FLG: variants seen among roughly 807,000 people sequenced by gnomAD.
The protein encoded by FLG is epidermal filaggrin.
Under a neutral mutation model 3.8 loss-of-function variants are expected in FLG, and 6 were observed. The observed-to-expected ratio is 1.60, with a 90% confidence interval of 0.87 to 3.15. The LOEUF is 3.15. Among genes scored for constraint, FLG ranks in the 30% most tolerant of loss-of-function variants. The pLI is 0.00. For synonymous variants in FLG, 2,551 were observed against 1,931.6 expected, an observed-to-expected ratio of 1.32 and a Z score of -8.41; for missense variants, 7,595 against 5,050.9, an observed-to-expected ratio of 1.50 and a Z score of -15.27.
Position 152,312,477 on chromosome 1 carries a change from A to G in FLG, c.2409T>C (p.Ser803=). Residue 803 remains serine (S), a synonymous_variant, in exon 3 of 3, where the codon TCT becomes TCC. Transcript: ENST00000368799. ...FLYQVSTHKQ[S]ESSHGWTGPS... is the part of the protein sequence containing the mutation. ...GCCCTGTCCATCCATGGGAGGACTC[A>G]GACTGTTTATGAGTGCTCACCTGGT... The G allele has an allele frequency of 6.2e-7, 1 of 1,613,512 alleles. No individual in the cohort carries two copies. The highest frequency in any genetic ancestry group is 8.5e-7 in the Non-Finnish European group (1 of 1,179,878).
In FLG at chr1:152,309,757, C is replaced by G; in HGVS notation, c.5129G>C (p.Gly1710Ala). The G allele has an allele frequency of 3.1e-6, 5 of 1,613,982 alleles. No individual in the cohort carries two copies. The highest frequency in any genetic ancestry group is 1.7e-6 in the Non-Finnish European group (2 of 1,179,998). ...RQDSSVVGDS[G>A]NRGSSGSQAS... Reference sequence around the variant, plus strand: ...CTGGCTACCACTGGACCCTCGGTTTCCACTGTCTCCGACTACAGATGAATC... The same window carrying G: ...CTGGCTACCACTGGACCCTCGGTTTGCACTGTCTCCGACTACAGATGAATC... The change falls in exon 3 of 3, where the codon GGA becomes GCA. Residue 1710 changes from glycine to alanine, a missense_variant. Gly to Ala is a moderately conservative substitution (Grantham distance 60). Transcript: ENST00000368799.
rs121909626 is a variant in FLG, at chr1:152,307,225, G to T, written c.7661C>A (p.Ser2554Ter). ...SGHSQVGQGQ[S>*]EGPRTSRNWG... Reference sequence around the variant, plus strand: ...GTTCCTGCTTGTCCTGGGCCCCTCTGATTGTCCCTGGCCCACCTGCGAGTG... The same window carrying T: ...GTTCCTGCTTGTCCTGGGCCCCTCTTATTGTCCCTGGCCCACCTGCGAGTG... Residue 2554 changes from serine (S) to a stop codon, truncating the protein, a stop_gained, in exon 3 of 3, where the codon TCA becomes TAA. Coordinates refer to ENST00000368799, the MANE Select transcript of FLG (RefSeq NM_002016.2). LOFTEE classifies it low-confidence loss of function (END_TRUNC). 6.2e-7 allele frequency: 1 copy of T among 1,612,704 alleles called. No individual in the cohort carries two copies. The highest frequency in any genetic ancestry group is 8.5e-7 in the Non-Finnish European group (1 of 1,179,994).
Position 152,313,802 on chromosome 1 carries a change from C to T in FLG, c.1084G>A (p.Glu362Lys), listed in dbSNP as rs771368026. The change falls in exon 3 of 3, where the codon GAG becomes AAG. Residue 362 changes from glutamate to lysine, a missense_variant. Glu to Lys is a moderately conservative substitution (Grantham distance 56). Transcript: ENST00000368799. ...GCAGTCTGTCCACGAGAGGAAGTCT[C>T]TGCGTGACGAGTGCCTGATTGTCTG... ...SSRQSGTRHA[E>K]TSSRGQTASS... 6.2e-7 allele frequency: 1 copy of T among 1,614,044 alleles called. No homozygotes were observed.
Position 152,305,408 on chromosome 1 carries a change from T to A in FLG, c.9478A>T (p.Ser3160Cys), listed in dbSNP as rs145597576. The change falls in exon 3 of 3, where the codon AGT becomes TGT. Residue 3160 changes from serine (S) to cysteine (C), a missense_variant. Physicochemically the swap from Ser to Cys is moderately radical, Grantham distance 112. Transcript: ENST00000368799. ...TCATTACGTGTTGTTCTGCTTGCAC[T>A]TCTGGATCCTGACTGCCCACGGGAG... ...DASRGQSGSRSASRTTRNEEQ... is the reference protein window; with the variant it reads ...DASRGQSGSRCASRTTRNEEQ... 180 of 1,603,966 alleles carry A rather than the reference T, an allele frequency of 1.1e-4. 1 individual carries two copies. Among genetic ancestry groups the A allele is most frequent in the Non-Finnish European group, 1.3e-4 (152 of 1,178,516 alleles).
Position 152,304,781 on chromosome 1 carries a change from G to T in FLG, c.10105C>A (p.Gln3369Lys), listed in dbSNP as rs199702001. ...GQAGPHQQSH[Q>K]ESARDRSGGR... ...CCTGACCGGTCACGTGCGGACTCTTGGTGGCTCTGCTGATGGGGCCCAGCC... is the reference window on the plus strand; with the variant it reads ...CCTGACCGGTCACGTGCGGACTCTTTGTGGCTCTGCTGATGGGGCCCAGCC... The change falls in exon 3 of 3, where the codon CAA (glutamine) becomes AAA (lysine). Residue 3369 changes from glutamine to lysine, a missense_variant. Transcript: ENST00000368799. 1.2e-5 allele frequency: 20 copies of T among 1,613,712 alleles called. No individual in the cohort carries two copies. Among genetic ancestry groups the T allele is most frequent in the African/African-American group, 5.3e-5 (4 of 74,834 alleles).
intron 1 of FLG, among the ~76,000 whole-genome samples, chr1:152,319,326 G>T (rs945232088): frequency 2.0e-5 from 3 of 151,314 alleles, no homozygotes; most frequent in Non-Finnish European, 4.4e-5. Flanking sequence ...GTGTGTGTGT[G>T]TGTGTGTGTG....
rs774213318 is a variant in FLG, at chr1:152,303,669, G to A, written c.11217C>T (p.His3739=). ...PSTGGRQGSR[H]EQARDSSRHS... ...GCCTGGAGCTGTCTCGTGCCTGCTC[G>A]TGGCGGGATCCTTGTCTTCCTCCAG... Residue 3739 remains histidine, a synonymous_variant, in exon 3 of 3, where the codon CAC becomes CAT. Transcript: ENST00000368799. The A allele has an allele frequency of 2.8e-5, 45 of 1,613,816 alleles. No individual in the cohort carries two copies. Among genetic ancestry groups the A allele is most frequent in the Middle Eastern group, 1.6e-4 (1 of 6,082 alleles).
Position 152,302,783 on chromosome 1 carries a change from C to G in FLG, c.12103G>C (p.Asp4035His). ...PRYYATYINKDPGLCGHSSDI... is the reference protein window; with the variant it reads ...PRYYATYINKHPGLCGHSSDI... ...CTAGAATGGCCACATAAACCTGGGTCCTTATTAATATACGTTGCATAATAC... is the reference window on the plus strand; with the variant it reads ...CTAGAATGGCCACATAAACCTGGGTGCTTATTAATATACGTTGCATAATAC... The change falls in exon 3 of 3, where the codon GAC (aspartate) becomes CAC (histidine). Residue 4035 changes from aspartate to histidine, a missense_variant. Asp to His is a moderately conservative substitution (Grantham distance 81). Coordinates refer to ENST00000368799, the MANE Select transcript of FLG (RefSeq NM_002016.2). The G allele has an allele frequency of 6.2e-7, 1 of 1,614,144 alleles. No homozygotes were observed. Among genetic ancestry groups the G allele is most frequent in the African/African-American group, 1.3e-5 (1 of 75,034 alleles).
chr1:152,307,438 T>C lies in FLG; in HGVS notation c.7448A>G (p.Asp2483Gly). 1 of 1,613,248 alleles carries C rather than the reference T, an allele frequency of 6.2e-7. No individual in the cohort carries two copies. The highest frequency in any genetic ancestry group is 1.1e-5 in the South Asian group (1 of 91,006). Reference sequence around the variant, plus strand: ...ATGAGACCCTGAGTGTCCAGATCTATCTACCAATTGCTCGTAGTGGGATCC... The same window carrying C: ...ATGAGACCCTGAGTGTCCAGATCTACCTACCAATTGCTCGTAGTGGGATCC... Reference protein sequence around the residue: ...RQGSHYEQLVDRSGHSGSHHS... With the variant: ...RQGSHYEQLVGRSGHSGSHHS... The change falls in exon 3 of 3, where the codon GAT (aspartate) becomes GGT (glycine). Residue 2483 changes from aspartate (D) to glycine (G), a missense_variant. Physicochemically the swap from Asp to Gly is moderately conservative, Grantham distance 94. Transcript: ENST00000368799.
In FLG at chr1:152,309,204, G is replaced by A. The variant is rs754492277; in HGVS notation, c.5682C>T (p.Ser1894=). ...RHHEASSRAD[S]SRHSQVGQGQ... The stretch of plus-strand genomic sequence containing the variant: ...CCTGGCCCACCTGCGAGTGTCTAGA[G>A]CTGTCGGCCCGAGAGGAAGCTTCAT... The change falls in exon 3 of 3, where the codon AGC becomes AGT. Residue 1894 remains serine (S), a synonymous_variant. Coordinates refer to ENST00000368799, the MANE Select transcript of FLG (RefSeq NM_002016.2). 3 of 1,613,724 alleles carry A rather than the reference G, an allele frequency of 1.9e-6. No homozygotes were observed. Among genetic ancestry groups the A allele is most frequent in the East Asian group, 4.5e-5 (2 of 44,776 alleles).
intron 1 of FLG, among the ~76,000 whole-genome samples, chr1:152,324,841 G>A (rs1395909547): frequency 6.6e-6 from 1 of 151,558 alleles, no homozygotes; most frequent in African/African-American, 2.4e-5. Context: ...TTTGTTTATT[G>A]TTGTTTACTA....
chr1:152,312,335 C>G lies in FLG; in HGVS notation c.2551G>C (p.Gly851Arg), dbSNP rs1225044694. ...TGCTCGTGGTGGGACCCCTGCCTTC[C>G]TCTTCTGCTTGACCCCGGGTGTCCA... is the stretch of plus-strand genomic sequence containing the variant. Reference protein sequence around the residue: ...IRGHPGSSRRGRQGSHHEQSV... With the variant: ...IRGHPGSSRRRRQGSHHEQSV... The change falls in exon 3 of 3, where the codon GGA becomes CGA. Residue 851 changes from glycine (G) to arginine (R), a missense_variant. Gly to Arg is a moderately radical substitution (Grantham distance 125, BLOSUM62 -2). Transcript: ENST00000368799. 6.2e-7 allele frequency: 1 copy of G among 1,613,214 alleles called. No individual in the cohort carries two copies. Among genetic ancestry groups the G allele is most frequent in the Admixed American group, 1.7e-5 (1 of 59,924 alleles).
At position 152,312,856 on chromosome 1, in the gene FLG, G is replaced by C. The variant is rs770136466; in HGVS notation, c.2030C>G (p.Ser677Cys). ...TGTGTGACGAGTGCCTGATTTTCTG[G>C]AGCTGTCTGCAGAGTGCCCATGACC... ...RAGHGHSADS[S>C]RKSGTRHTQN... The change falls in exon 3 of 3, where the codon TCC becomes TGC. Residue 677 changes from serine to cysteine, a missense_variant. Coordinates refer to ENST00000368799, the MANE Select transcript of FLG (RefSeq NM_002016.2). 6.2e-7 allele frequency: 1 copy of C among 1,613,922 alleles called. No individual in the cohort carries two copies. The highest frequency in any genetic ancestry group is 8.5e-7 in the Non-Finnish European group (1 of 1,180,026).
Position 152,309,366 on chromosome 1 carries a change from C to A in FLG, c.5520G>T (p.Gly1840=). 5.0e-6 allele frequency: 8 copies of A among 1,613,786 alleles called. No individual in the cohort carries two copies. The highest frequency in any genetic ancestry group is 6.8e-6 in the Non-Finnish European group (8 of 1,179,970). ...EQSVDSSGHS[G]SHHSHTTSQE... is the part of the protein sequence containing the mutation. Reference sequence around the variant, plus strand: ...GGGACGTGGTGTGGCTGTGATGAGACCCTGAGTGTCCAGAACTATCTACCG... The same window carrying A: ...GGGACGTGGTGTGGCTGTGATGAGAACCTGAGTGTCCAGAACTATCTACCG... The change falls in exon 3 of 3, where the codon GGG becomes GGT. Residue 1840 remains glycine, a synonymous_variant. Coordinates refer to ENST00000368799, the MANE Select transcript of FLG (RefSeq NM_002016.2).
rs768693901 is a variant in FLG at position 152,305,040 on chromosome 1, G to A, written c.9846C>T (p.Ser3282=). Residue 3282 remains serine (S), a synonymous_variant, in exon 3 of 3, where the codon TCC becomes TCT. Coordinates refer to ENST00000368799, the MANE Select transcript of FLG (RefSeq NM_002016.2). ...GGGATGATGCAGCCTGTCCACCAGA[G>A]GAAGTCTCTGCGTGACGAGTGCCTG... The part of the protein sequence containing the change: ...RQSGTRHAET[S]SGGQAASSHE... The A allele has an allele frequency of 1.2e-6, 2 of 1,613,974 alleles. No individual in the cohort carries two copies. The highest frequency in any genetic ancestry group is 2.2e-5 in the East Asian group (1 of 44,840).
At position 152,312,703 on chromosome 1, in the gene FLG, C is replaced by G; in HGVS notation, c.2183G>C (p.Gly728Ala). Reference protein sequence around the residue: ...DSSRHSGTGHGQASSAVRDSG... With the variant: ...DSSRHSGTGHAQASSAVRDSG... ...GTCTCTGACTGCAGATGAAGCTTGT[C>G]CGTGCCCAGTGCCTGAGTGTCTGGA... Residue 728 changes from glycine (G) to alanine (A), a missense_variant, in exon 3 of 3, where the codon GGA becomes GCA. Gly to Ala is a moderately conservative substitution (Grantham distance 60). Coordinates refer to ENST00000368799, the MANE Select transcript of FLG (RefSeq NM_002016.2). 1 of 1,613,970 alleles carries G rather than the reference C, an allele frequency of 6.2e-7. No homozygotes were observed. The highest frequency in any genetic ancestry group is 8.5e-7 in the Non-Finnish European group (1 of 1,180,010).
chr1:152,309,270 T>G lies in FLG; in HGVS notation c.5616A>C (p.Lys1872Asn). ...AGTGCCTGGAGCCGTCTCCTGATTG[T>G]TTCTCATTACGTGTTTGTCTGCTGA... ...RSVSRQTRNEKQSGDGSRHSG... is the reference protein window; with the variant it reads ...RSVSRQTRNENQSGDGSRHSG... Residue 1872 changes from lysine to asparagine, a missense_variant, in exon 3 of 3, where the codon AAA becomes AAC. By Grantham distance (94) the Lys-to-Asn change is moderately conservative. Coordinates refer to ENST00000368799, the MANE Select transcript of FLG (RefSeq NM_002016.2). The G allele has an allele frequency of 6.2e-7, 1 of 1,613,286 alleles. No homozygotes were observed. Among genetic ancestry groups the G allele is most frequent in the Non-Finnish European group, 8.5e-7 (1 of 1,179,870 alleles).
At position 152,311,766 on chromosome 1, in the gene FLG, T is replaced by C; in HGVS notation, c.3120A>G (p.Ser1040=). The change falls in exon 3 of 3, where the codon TCA becomes TCG. Residue 1040 remains serine (S), a synonymous_variant. Transcript: ENST00000368799. ...TGCCTGAGTGTCTGGAGCTGTCTGC[T>C]GACTGCTGGTGGCGGGATCCGTGTC... ...GERHGSRHQQ[S]ADSSRHSGIP... is the part of the protein sequence containing the mutation. The C allele has an allele frequency of 6.2e-7, 1 of 1,614,118 alleles. No homozygotes were observed. The highest frequency in any genetic ancestry group is 1.1e-5 in the South Asian group (1 of 91,066).
chr1:152,316,644 A>G (rs745615396), intron 1 of FLG, among the ~76,000 whole-genome samples: 17 of 152,250 alleles, frequency 1.1e-4, no homozygotes, highest in Non-Finnish European at 2.2e-4. Context: ...ATTTTCAGCC[A>G]GTCTTATTTA....
Sources: gnomAD v4.1 joint callset for allele counts (sites outside exome capture counted in the v4.1 genomes callset) on GRCh38, gnomAD v4.1.1 for gene constraint, MANE v1.5 for transcripts, NCBI Gene and HGNC (gene_info 2026-07-23, HGNC 2026-07-21) for gene names.